The following MYO5A variants were observed in gnomAD, a reference collection of about 807,000 sequenced individuals.
MYO5A encodes the protein myosin VA, also known as unconventional myosin-Va.
Under a neutral mutation model 249.7 loss-of-function variants are expected in MYO5A, and 98 were observed. The observed-to-expected ratio is 0.39, with a 90% CI of 0.33 to 0.46. The LOEUF is 0.46. Ranked by LOEUF, MYO5A falls within the 20% of genes least tolerant of loss-of-function variation. The pLI is 0.98. For synonymous variants in MYO5A, 778 were observed against 810.6 expected, an observed-to-expected ratio of 0.96 and a Z score of 0.68; for missense variants, 1,696 against 2,308.8, an observed-to-expected ratio of 0.73 and a Z score of 5.44.
At chr15:52,436,828 A>T (rs1002102926) in intron 1 of MYO5A, among the ~76,000 whole-genome samples, 2 of 135,176 alleles carry the variant, frequency 1.5e-5, no homozygotes, top group Non-Finnish European at 3.0e-5. Context: ...TTACCAACAC[A>T]TACAAACTTT....
chr15:52,314,225 A>G (rs1376858240), intron 40 of MYO5A, 22 bp from the exon 41 acceptor site: 1 of 1,561,510 alleles, frequency 6.4e-7, no homozygotes, highest in Non-Finnish European at 8.8e-7. Flanking sequence ...GAAATGATCA[A>G]AGTTTTTGGC....
At chr15:52,434,137 C>T (rs780109462) in intron 1 of MYO5A, among the ~76,000 whole-genome samples, 6 of 151,704 alleles carry the variant, frequency 4.0e-5, no homozygotes, top group Non-Finnish European at 7.4e-5. Flanking sequence ...GTAGCTGGGA[C>T]TACAGGCATG....
At chr15:52,499,904 C>T (rs1485426327) in intron 1 of MYO5A, among the ~76,000 whole-genome samples, 3 of 151,912 alleles carry the variant, frequency 2.0e-5, no homozygotes, top group South Asian at 2.1e-4. Flanking sequence ...TTTAGGGGGC[C>T]GGGCACAGTA....
At chr15:52,328,720 T>C (rs912680173) in intron 35 of MYO5A, among the ~76,000 whole-genome samples, 2 of 152,214 alleles carry the variant, frequency 1.3e-5, no homozygotes, top group African/African-American at 4.8e-5. Context: ...GCTTCTCATG[T>C]CAAGCATTTA....
At chr15:52,428,355 A>T (rs758925593) in intron 3 of MYO5A, 43 bp downstream of exon 3, 1 of 1,571,264 alleles carries the variant, frequency 6.4e-7, no homozygotes, top group Non-Finnish European at 8.8e-7. Context: ...TGTCCATTAG[A>T]GGAAAGAGTC....
At chr15:52,323,726 G>A (rs59471836) in intron 36 of MYO5A, 6,490 of 362,666 alleles carry the variant, frequency 0.018, 408 homozygotes, top group African/African-American at 0.13. Context: ...TCACCCGGCT[G>A]GGCGCGGTGG....
intron 1 of MYO5A, among the ~76,000 whole-genome samples, chr15:52,501,699 A>C (rs1232348033): frequency 6.6e-6 from 1 of 152,182 alleles, no homozygotes; most frequent in Non-Finnish European, 1.5e-5. Flanking sequence ...TTATAAAAGA[A>C]TGTATGTTGA....
intron 31 of MYO5A, among the ~76,000 whole-genome samples, chr15:52,340,948 G>A (rs12101973): frequency 0.098 from 13,855 of 141,746 alleles, 2,067 homozygotes; most frequent in African/African-American, 0.33. Flanking sequence ...GCAAAACTTC[G>A]TCTCAAAAAA....
chr15:52,474,145 T>C (rs1312297757), intron 1 of MYO5A, among the ~76,000 whole-genome samples: 1 of 152,202 alleles, frequency 6.6e-6, no homozygotes, highest in Non-Finnish European at 1.5e-5. Flanking sequence ...TTATTCTCTT[T>C]GAAGCAATTG....
chr15:52,477,888 G>C (rs931591512), intron 1 of MYO5A, among the ~76,000 whole-genome samples: 1 of 152,186 alleles, frequency 6.6e-6, no homozygotes, highest in African/African-American at 2.4e-5. Context: ...CAGTCTGTCT[G>C]TTCTCAGATC....
intron 40 of MYO5A, among the ~76,000 whole-genome samples, chr15:52,314,523 T>G (rs1445032953): frequency 6.6e-6 from 1 of 152,256 alleles, no homozygotes; most frequent in Non-Finnish European, 1.5e-5. Context: ...TGGCAATTGT[T>G]AACCATGTCC....
At chr15:52,412,834 A>C (rs368042232) in intron 5 of MYO5A, among the ~76,000 whole-genome samples, 1 of 152,196 alleles carries the variant, frequency 6.6e-6, no homozygotes, top group East Asian at 1.9e-4. Flanking sequence ...AAAATCTTCA[A>C]TTATGGTTAT....
Position 52,372,509 on chromosome 15 carries a change from T to C in MYO5A, c.2578-146A>G. The C allele has an allele frequency of 2.6e-6, 3 of 1,137,758 alleles. No individual in the cohort carries two copies. In the South Asian group the frequency reaches 4.0e-5, roughly 15 times the overall value. 70.5% of individuals were successfully genotyped at this position (1,137,758 alleles called of 1,614,324 possible). A position where few individuals can be genotyped will look rare whatever the true frequency, so the allele number is the denominator to read the frequency against. On this transcript the variant is annotated intron_variant, in intron 20 of 41. Transcript: ENST00000399233. ...CAATGTACTATGTAGATTATACTTATCACAGATATATGGAGGCTACAAAAT... is the reference window on the plus strand; with the variant it reads ...CAATGTACTATGTAGATTATACTTACCACAGATATATGGAGGCTACAAAAT...
chr15:52,431,620 A>C (rs1485313502), intron 2 of MYO5A, among the ~76,000 whole-genome samples: 1 of 151,680 alleles, frequency 6.6e-6, no homozygotes, highest in Non-Finnish European at 1.5e-5. Flanking sequence ...AATATAAGGT[A>C]ACAGGGCTGG....
chr15:52,338,167 A>T (rs1201353511), intron 32 of MYO5A, among the ~76,000 whole-genome samples: 2 of 137,550 alleles, frequency 1.5e-5, no homozygotes, highest in Non-Finnish European at 3.2e-5. Flanking sequence ...CCCTCCTCCA[A>T]CCTCCTGCCT....
intron 18 of MYO5A, among the ~76,000 whole-genome samples, chr15:52,377,574 C>CT (rs71130155): frequency 0.88 from 122,652 of 139,920 alleles, 55,649 homozygotes; most frequent in Non-Finnish European, 0.99. Flanking sequence ...ACCTGGAATT[C>CT]TTTTTTTTTT....
chr15:52,315,899 G>A (rs2037983354), intron 40 of MYO5A, among the ~76,000 whole-genome samples: 1 of 151,972 alleles, frequency 6.6e-6, no homozygotes, highest in Admixed American at 6.5e-5. Context: ...ATTGTATTGG[G>A]CAAAACTGAA....
chr15:52,438,846 A>C (rs2075723910), intron 1 of MYO5A, among the ~76,000 whole-genome samples: 1 of 152,148 alleles, frequency 6.6e-6, no homozygotes, highest in East Asian at 1.9e-4. Flanking sequence ...GCTCGAGCTG[A>C]GCTTTCGCTC....
intron 1 of MYO5A, among the ~76,000 whole-genome samples, chr15:52,481,138 T>C (rs1323685232): frequency 2.0e-5 from 3 of 152,218 alleles, no homozygotes; most frequent in African/African-American, 7.2e-5. Flanking sequence ...AGCACATTTA[T>C]CTGCATTGCC....
Sources: allele counts gnomAD v4.1 joint callset (sites outside exome capture counted in the v4.1 genomes callset), GRCh38; gene constraint gnomAD v4.1.1; transcripts MANE v1.5; gene names NCBI Gene and HGNC (gene_info 2026-07-23, HGNC 2026-07-21).